Variants in HPS3 observed in about 807,000 individuals in gnomAD.
HPS3 encodes the protein BLOC-2 complex member HPS3.
Under a neutral mutation model 110.9 loss-of-function variants are expected in HPS3, and 79 were observed. The observed-to-expected ratio is 0.71, with a 90% CI of 0.59 to 0.86. HPS3 has a LOEUF of 0.86. HPS3 is among the 40% of genes least tolerant of loss of function. The pLI, the probability that HPS3 is intolerant of heterozygous loss-of-function variation, is 0.00. For synonymous variants in HPS3, 428 were observed against 451.0 expected (o/e 0.95, Z 0.65); for missense variants, 1,197 against 1,206.2 (o/e 0.99, Z 0.11).
chr3:149,131,913 C>T (rs540215294), intron 1 of HPS3, among the ~76,000 whole-genome samples: 36 of 152,316 alleles, frequency 2.4e-4, no homozygotes, highest in South Asian at 1.5e-3. Flanking sequence ...AAACTTTGCT[C>T]TAGGTAGAAG....
rs763305108 is a variant in HPS3 at position 149,145,377 on chromosome 3, A to AAT, written c.995_996dup (p.Leu333IlefsTer9). 2 of 1,613,820 alleles carry AAT rather than the reference A, an allele frequency of 1.2e-6. No homozygotes were observed. The highest frequency in any genetic ancestry group is 2.2e-5 in the South Asian group (2 of 91,062). On this transcript the variant is annotated frameshift_variant, in exon 5 of 17. Coordinates refer to ENST00000296051, the MANE Select transcript of HPS3 (RefSeq NM_032383.5). LOFTEE classifies it high-confidence loss of function. ...AGGTTCTCTTACATCTGATGGAAAA[A>AAT]ATTTGTCTCAGGAAAAAGAATTGCT...
At chr3:149,147,894 G>A (rs1722871557) in intron 5 of HPS3, among the ~76,000 whole-genome samples, 1 of 152,078 alleles carries the variant, frequency 6.6e-6, no homozygotes, top group African/African-American at 2.4e-5. Context: ...AATCAAATCG[G>A]AGTTTCTCTT....
At chr3:149,152,919 C>G (rs745372286) in intron 6 of HPS3, among the ~76,000 whole-genome samples, 1 of 152,210 alleles carries the variant, frequency 6.6e-6, no homozygotes, top group Non-Finnish European at 1.5e-5. Context: ...CTGACATGTC[C>G]CAGCCTGTCC....
chr3:149,152,805 AT>A (rs1278538639), intron 6 of HPS3, among the ~76,000 whole-genome samples: 1 of 152,200 alleles, frequency 6.6e-6, no homozygotes, highest in African/African-American at 2.4e-5. Flanking sequence ...TGGCAGCATC[AT>A]TTTGTGAGCT....
Position 149,138,417 on chromosome 3 carries a change from G to A in HPS3, c.218-1587G>A, listed in dbSNP as rs577223966. ...TGGAAGAAGTGACATTAGATCCTCT[G>A]ACTTATCTCCTTCTTTACCCGCAAA... On this transcript the variant is annotated intron_variant, in intron 1 of 16. Coordinates refer to ENST00000296051, the MANE Select transcript of HPS3 (RefSeq NM_032383.5). 2.0e-5 allele frequency among the ~76,000 whole-genome samples: 3 copies of A among 152,266 alleles called. No homozygotes were observed. The East Asian group carries it at 5.8e-4, about 29-fold the overall frequency.
In HPS3 at chr3:149,157,513, T is replaced by C; in HGVS notation, c.1673T>C (p.Leu558Pro). 1 of 1,613,772 alleles carries C rather than the reference T, an allele frequency of 6.2e-7. No homozygotes were observed. Among genetic ancestry groups the C allele is most frequent in the Non-Finnish European group, 8.5e-7 (1 of 1,179,770 alleles). ...GCATTTAAGGAAAGCTGTGGGCACC[T>C]TGGGGACTGTTACAGCAGGTGGGTG... ...LEAFKESCGH[L>P]GDCYSRLDSQ... The change falls in exon 9 of 17, where the codon CTT becomes CCT. Residue 558 changes from leucine (L) to proline (P), a missense_variant. By Grantham distance (98) the Leu-to-Pro change is moderately conservative (BLOSUM62 -3). Coordinates refer to ENST00000296051, the MANE Select transcript of HPS3 (RefSeq NM_032383.5).
chr3:149,162,490 A>G (rs759804645), intron 12 of HPS3, 157 bp downstream of exon 12: 22 of 887,000 alleles, frequency 2.5e-5, no homozygotes, highest in East Asian at 5.3e-5. Context: ...TTAAAAGACT[A>G]TATCTGTAGA....
chr3:149,157,412 G>A lies in HPS3; in HGVS notation c.1572G>A (p.Glu524=). 1 of 1,613,908 alleles carries A rather than the reference G, an allele frequency of 6.2e-7. No individual in the cohort carries two copies. Among genetic ancestry groups the A allele is most frequent in the African/African-American group, 1.3e-5 (1 of 75,022 alleles). Residue 524 remains glutamate (E), a synonymous_variant, in exon 9 of 17, where the codon GAG becomes GAA. Coordinates refer to ENST00000296051, the MANE Select transcript of HPS3 (RefSeq NM_032383.5). The stretch of plus-strand genomic sequence containing the variant: ...AGAGCTGCATTCACCTTCTCAGTGA[G>A]GCTCATCTGTTAGTGCGAGCTGCCC... ...KTQSCIHLLS[E]AHLLVRAALM...
intron 13 of HPS3, among the ~76,000 whole-genome samples, chr3:149,163,237 T>C (rs1724065001): frequency 2.0e-5 from 3 of 152,198 alleles, no homozygotes; most frequent in African/African-American, 7.2e-5. Flanking sequence ...GCAGACCTCC[T>C]TGGTGGGAGA....
intron 14 of HPS3, 63 bp from the exon 15 acceptor site, chr3:149,166,971 T>C (rs1357954874): frequency 1.6e-6 from 2 of 1,255,228 alleles, no homozygotes; most frequent in African/African-American, 1.5e-5. Flanking sequence ...AATTGAATTC[T>C]GCATGTTGTG....
chr3:149,154,590 CAATT>C (rs1723325775), intron 7 of HPS3, among the ~76,000 whole-genome samples: 1 of 152,126 alleles, frequency 6.6e-6, no homozygotes, highest in African/African-American at 2.4e-5. Flanking sequence ...ATTTGATAAA[CAATT>C]ATAAAAGATT....
At chr3:149,132,315 AG>A (rs1362410971) in intron 1 of HPS3, among the ~76,000 whole-genome samples, 1 of 152,204 alleles carries the variant, frequency 6.6e-6, no homozygotes. Context: ...GACTCTTGTT[AG>A]GGGGTGATGC....
At chr3:149,131,115 T>A (rs1474054102) in intron 1 of HPS3, among the ~76,000 whole-genome samples, 1 of 121,534 alleles carries the variant, frequency 8.2e-6, no homozygotes, top group Non-Finnish European at 1.7e-5. Context: ...GGGGTCTGAG[T>A]TTATGTTAAA....
intron 8 of HPS3, among the ~76,000 whole-genome samples, chr3:149,156,665 G>A (rs1329676880): frequency 6.6e-6 from 1 of 151,618 alleles, no homozygotes; most frequent in African/African-American, 2.4e-5. Flanking sequence ...CACATCTGGA[G>A]GCACATGCTG....
At chr3:149,160,343 A>T (rs1723708756) in intron 11 of HPS3, 64 bp downstream of exon 11, 1 of 1,069,050 alleles carries the variant, frequency 9.4e-7, no homozygotes, top group African/African-American at 1.6e-5. Context: ...TGAAGTGTTT[A>T]GCTGTCTTCT....
At chr3:149,130,016 C>A in intron 1 of HPS3, 76 bp downstream of exon 1, 2 of 1,365,310 alleles carry the variant, frequency 1.5e-6, no homozygotes, top group Non-Finnish European at 2.0e-6. Context: ...AACGTCTGGG[C>A]TGTAGCTCTA....
rs991701413 is a variant in HPS3, at chr3:149,171,717, T to C, written c.2888-378T>C. Reference sequence around the variant, plus strand: ...TGGCTTCTTTTTTTTTTTTTTTTTTTGTCCTGAGATGGAGTCTTGCTCTGT... The same window carrying C: ...TGGCTTCTTTTTTTTTTTTTTTTTTCGTCCTGAGATGGAGTCTTGCTCTGT... On this transcript the variant is annotated intron_variant, in intron 16 of 16. Coordinates refer to ENST00000296051, the MANE Select transcript of HPS3 (RefSeq NM_032383.5). Among the ~76,000 whole-genome samples the C allele has an allele frequency of 4.6e-5, 6 of 131,458 alleles. No homozygotes were observed. The South Asian group carries it at 1.1e-3, about 23-fold the overall frequency. 86.2% of individuals were successfully genotyped at this position (131,458 alleles called of 152,430 possible).
At chr3:149,138,364 A>G (rs2108125480) in intron 1 of HPS3, among the ~76,000 whole-genome samples, 1 of 152,328 alleles carries the variant, frequency 6.6e-6, no homozygotes, top group Admixed American at 6.5e-5. Context: ...AATTTGCTTA[A>G]TAGTGTTAAT....
intron 4 of HPS3, among the ~76,000 whole-genome samples, chr3:149,142,618 C>A (rs1335507163): frequency 6.6e-6 from 1 of 152,074 alleles, no homozygotes; most frequent in African/African-American, 2.4e-5. Flanking sequence ...GAGAAAGATA[C>A]AAATATTATT....
Sources: gnomAD v4.1 joint callset for allele counts (sites outside exome capture counted in the v4.1 genomes callset) on GRCh38, gnomAD v4.1.1 for gene constraint, MANE v1.5 for transcripts, NCBI Gene and HGNC (gene_info 2026-07-23, HGNC 2026-07-21) for gene names.